The following CPED1 variants were observed in gnomAD, a reference collection of about 807,000 sequenced individuals.
CPED1 encodes the protein cadherin-like and PC-esterase domain-containing protein 1.
CPED1 carries 114 observed loss-of-function variants against 128.2 expected under a neutral mutation model. The ratio of observed to expected loss-of-function variants is 0.89; its 90% CI spans 0.76 to 1.04. CPED1 has a LOEUF of 1.04. Ranked by LOEUF, CPED1 falls within the 50% of genes least tolerant of loss-of-function variation. The pLI is 0.00. For synonymous variants in CPED1, 462 were observed against 426.7 expected, an observed-to-expected ratio of 1.08 and a Z score of -1.02; for missense variants, 1,211 against 1,207.1, an observed-to-expected ratio of 1.00 and a Z score of -0.05.
At chr7:121,279,441 C>CT (rs1562860907) in intron 22 of CPED1, among the ~76,000 whole-genome samples, 1 of 151,270 alleles carries the variant, frequency 6.6e-6, no homozygotes, top group Non-Finnish European at 1.5e-5. Context: ...GCTACTCACT[C>CT]ACTCCCCACC....
At chr7:121,067,357 A>G (rs910514054) in intron 5 of CPED1, among the ~76,000 whole-genome samples, 1 of 151,820 alleles carries the variant, frequency 6.6e-6, no homozygotes, top group Non-Finnish European at 1.5e-5. Flanking sequence ...GAGTGAGAAC[A>G]TGTGGTGTTT....
At chr7:121,268,609 T>G (rs1209743968) in intron 21 of CPED1, among the ~76,000 whole-genome samples, 4 of 151,636 alleles carry the variant, frequency 2.6e-5, no homozygotes, top group Non-Finnish European at 5.9e-5. Context: ...TCCGTAGACT[T>G]ATCCCTTGCT....
chr7:121,187,988 CAACT>C (rs1230221450), intron 16 of CPED1, among the ~76,000 whole-genome samples: 3 of 152,024 alleles, frequency 2.0e-5, no homozygotes, highest in Non-Finnish European at 4.4e-5. Context: ...TCAAACAAAC[CAACT>C]GTTTAAAAAC....
rs1313299469 is a variant in CPED1 at position 121,290,618 on chromosome 7, T to A, written c.2869-4822T>A. Among the ~76,000 whole-genome samples, 3 of 152,266 alleles carry A rather than the reference T, an allele frequency of 2.0e-5. No homozygotes were observed. In the East Asian group the frequency reaches 5.8e-4, roughly 29 times the overall value. ...CATAAATGTCTTCTTTTGAGAAGTG[T>A]CTGTTCATATCCTTCACCCACTTTT... On this transcript the variant is annotated intron_variant, in intron 22 of 22. Coordinates refer to ENST00000310396, the MANE Select transcript of CPED1 (RefSeq NM_024913.5).
chr7:120,989,995 TAG>T, intron 2 of CPED1, 125 bp downstream of exon 2: 1 of 1,130,758 alleles, frequency 8.8e-7, no homozygotes, highest in Non-Finnish European at 1.3e-6. Flanking sequence ...GTAAACAGCC[TAG>T]AGAGTGACCT....
chr7:121,005,696 TA>T (rs571151007), intron 2 of CPED1, among the ~76,000 whole-genome samples: 2 of 152,190 alleles, frequency 1.3e-5, no homozygotes, highest in Admixed American at 6.5e-5. Context: ...ATTCCCCATT[TA>T]AAAAAAATTT....
intron 7 of CPED1, among the ~76,000 whole-genome samples, chr7:121,122,108 G>T (rs1001252032): frequency 1.3e-5 from 2 of 148,536 alleles, no homozygotes; most frequent in African/African-American, 2.5e-5. Flanking sequence ...TATACTGAAT[G>T]AATTAAAAAG....
intron 5 of CPED1, among the ~76,000 whole-genome samples, chr7:121,067,187 A>G (rs1276089582): frequency 6.6e-6 from 1 of 152,056 alleles, no homozygotes; most frequent in Non-Finnish European, 1.5e-5. Context: ...ATATGTATAC[A>G]TGTGCCATGT....
intron 7 of CPED1, among the ~76,000 whole-genome samples, chr7:121,120,553 A>C (rs1210445108): frequency 6.6e-6 from 1 of 152,192 alleles, no homozygotes; most frequent in Non-Finnish European, 1.5e-5. Context: ...GGTATACTTT[A>C]GTACGGTACA....
intron 12 of CPED1, among the ~76,000 whole-genome samples, 187 bp downstream of exon 12, chr7:121,130,481 T>G (rs1394077750): frequency 6.6e-6 from 1 of 152,116 alleles, no homozygotes; most frequent in African/African-American, 2.4e-5. Context: ...TTCAAACACT[T>G]TAATAAAAAT....
chr7:121,268,599 T>C (rs552074607), intron 21 of CPED1, among the ~76,000 whole-genome samples: 1 of 152,194 alleles, frequency 6.6e-6, no homozygotes, highest in South Asian at 2.1e-4. Flanking sequence ...TCCGTCTTTC[T>C]CCGTAGACTT....
At chr7:121,109,025 G>A (rs1384123446) in intron 7 of CPED1, among the ~76,000 whole-genome samples, 1 of 152,124 alleles carries the variant, frequency 6.6e-6, no homozygotes, top group African/African-American at 2.4e-5. Flanking sequence ...CTGCACTACT[G>A]TACCCATGAA....
At chr7:121,235,453 G>A (rs1416064314) in intron 16 of CPED1, among the ~76,000 whole-genome samples, 4 of 152,066 alleles carry the variant, frequency 2.6e-5, no homozygotes, top group Non-Finnish European at 5.9e-5. Flanking sequence ...GGACCTTTTT[G>A]TATGAGATCT....
intron 4 of CPED1, among the ~76,000 whole-genome samples, chr7:121,047,699 TCTTCTTCTTCTTCTTC>T (rs1793244243): frequency 1.7e-4 from 15 of 89,046 alleles, no homozygotes; most frequent in South Asian, 3.3e-4. Flanking sequence ...TTCTTCTTCT[TCTTCTTCTTCTTCTTC>T]TTTTTTTTTT....
chr7:121,007,230 C>CTTTTTTTTTTTTTTTTTT (rs147867549), intron 2 of CPED1, among the ~76,000 whole-genome samples: 3 of 115,848 alleles, frequency 2.6e-5, no homozygotes, highest in Non-Finnish European at 1.8e-5. Flanking sequence ...GTTCAGGTTG[C>CTTTTTTTTTTTTTTTTTT]ATTTTTTTTT....
intron 16 of CPED1, among the ~76,000 whole-genome samples, chr7:121,153,320 C>A (rs922092540): frequency 1.3e-5 from 2 of 152,142 alleles, no homozygotes; most frequent in Non-Finnish European, 2.9e-5. Context: ...ATGATTTCAA[C>A]CAAAACTGCT....
chr7:121,062,999 A>G (rs942321909), intron 4 of CPED1: 3 of 152,190 alleles, frequency 2.0e-5, no homozygotes, highest in Non-Finnish European at 4.4e-5. Context: ...AGTCTCGCGT[A>G]TGTCTTCAGC....
Position 121,197,284 on chromosome 7 carries a change from G to A in CPED1, c.2056-39430G>A, listed in dbSNP as rs547303606. 1.6e-4 allele frequency among the ~76,000 whole-genome samples: 25 copies of A among 152,076 alleles called. No individual in the cohort carries two copies. In the East Asian group the frequency reaches 1.7e-3, roughly 11 times the overall value. ...TTACTGCTTTACTCTATAAATGTTTGTTGATCATGAGCAATACATGAGATC... is the reference window on the plus strand; with the variant it reads ...TTACTGCTTTACTCTATAAATGTTTATTGATCATGAGCAATACATGAGATC... On this transcript the variant is annotated intron_variant, in intron 16 of 22. Coordinates refer to ENST00000310396, the MANE Select transcript of CPED1 (RefSeq NM_024913.5).
intron 5 of CPED1, chr7:121,076,596 A>G (rs1246782671): frequency 1.3e-5 from 2 of 152,120 alleles, no homozygotes; most frequent in Non-Finnish European, 2.9e-5. Context: ...TTCACCTTTC[A>G]TTTGAGGAGA....
Sources: gnomAD v4.1 joint callset for allele counts (sites outside exome capture counted in the v4.1 genomes callset) on GRCh38, gnomAD v4.1.1 for gene constraint, MANE v1.5 for transcripts, NCBI Gene and HGNC (gene_info 2026-07-23, HGNC 2026-07-21) for gene names.